Variants in PPP3CC observed in about 807,000 individuals in gnomAD.
The protein encoded by PPP3CC is serine/threonine-protein phosphatase 2B catalytic subunit gamma isoform.
PPP3CC carries 35 observed loss-of-function variants against 60.3 expected under a neutral mutation model. That is an observed-to-expected ratio of 0.58 (90% confidence interval 0.44 to 0.77). PPP3CC has a LOEUF of 0.77. Among genes scored for constraint, PPP3CC ranks in the 30% least tolerant of loss-of-function variants. The pLI, the probability that PPP3CC is intolerant of heterozygous loss-of-function variation, is 0.00. For synonymous variants in PPP3CC, 206 were observed against 224.3 expected (o/e 0.92, Z 0.73); for missense variants, 570 against 628.9 (o/e 0.91, Z 1.00).
intron 4 of PPP3CC, among the ~76,000 whole-genome samples, chr8:22,499,464 AAAAG>A (rs1461958369): frequency 3.3e-5 from 5 of 152,134 alleles, no homozygotes; most frequent in African/African-American, 7.2e-5. Context: ...AAAGAAAAAA[AAAAG>A]AAAGTCAAAA....
intron 4 of PPP3CC, among the ~76,000 whole-genome samples, chr8:22,503,624 T>G (rs1489613265): frequency 1.3e-5 from 2 of 152,176 alleles, no homozygotes; most frequent in East Asian, 3.8e-4. Context: ...AATAATAACA[T>G]CAGGGATTTT....
At chr8:22,443,103 C>G (rs755482450) in intron 1 of PPP3CC, among the ~76,000 whole-genome samples, 2 of 152,096 alleles carry the variant, frequency 1.3e-5, no homozygotes, top group African/African-American at 4.8e-5. Flanking sequence ...ATCAAATCAC[C>G]ATTGTGCCAT....
intron 4 of PPP3CC, among the ~76,000 whole-genome samples, chr8:22,502,414 A>G (rs937976915): frequency 5.3e-5 from 8 of 152,196 alleles, no homozygotes; most frequent in Admixed American, 3.9e-4. Context: ...GGCCGGGTGC[A>G]GTGGCTCATG....
chr8:22,501,799 G>A (rs1234879214), intron 4 of PPP3CC, among the ~76,000 whole-genome samples: 1 of 152,056 alleles, frequency 6.6e-6, no homozygotes, highest in African/African-American at 2.4e-5. Flanking sequence ...ATCACTTGAG[G>A]CCAGGAGTTC....
At chr8:22,441,564 G>C in intron 1 of PPP3CC, 106 bp downstream of exon 1, 1 of 1,255,278 alleles carries the variant, frequency 8.0e-7, no homozygotes, top group East Asian at 3.0e-5. Flanking sequence ...CCCACCCTAG[G>C]AGGGCTCGGA....
intron 6 of PPP3CC, among the ~76,000 whole-genome samples, chr8:22,516,753 G>A (rs1839256195): frequency 6.6e-6 from 1 of 152,148 alleles, no homozygotes; most frequent in South Asian, 2.1e-4. Context: ...TGCTTTTCAT[G>A]AGTGATTTCA....
chr8:22,498,422 C>T (rs531046274), intron 4 of PPP3CC, among the ~76,000 whole-genome samples: 1 of 152,028 alleles, frequency 6.6e-6, no homozygotes, highest in East Asian at 1.9e-4. Context: ...CCAGCCTGGG[C>T]GACAAAGCAA....
chr8:22,520,902 C>T (rs1839388516), intron 6 of PPP3CC, among the ~76,000 whole-genome samples: 1 of 152,150 alleles, frequency 6.6e-6, no homozygotes, highest in Non-Finnish European at 1.5e-5. Context: ...GGAGTCTATG[C>T]ATTTGAAGGA....
At chr8:22,450,957 C>G (rs1359205703) in intron 1 of PPP3CC, among the ~76,000 whole-genome samples, 2 of 150,692 alleles carry the variant, frequency 1.3e-5, no homozygotes, top group South Asian at 2.1e-4. Flanking sequence ...GCCTCAGCCT[C>G]CTGAGTAGCT....
chr8:22,480,180 T>C lies in PPP3CC; in HGVS notation c.372+4556T>C, dbSNP rs1343972679. On this transcript the variant is annotated intron_variant, in intron 3 of 13. Coordinates refer to ENST00000240139, the MANE Select transcript of PPP3CC (RefSeq NM_005605.5). ...CATGGTTAAAAATCTGATGAAAGTTTACGATTGATAAGGAATTTTGTTATT... is the reference window on the plus strand; with the variant it reads ...CATGGTTAAAAATCTGATGAAAGTTCACGATTGATAAGGAATTTTGTTATT... Among the ~76,000 whole-genome samples the C allele has an allele frequency of 2.0e-5, 3 of 152,190 alleles. No homozygotes were observed. The East Asian group carries it at 5.8e-4, about 29-fold the overall frequency.
intron 3 of PPP3CC, among the ~76,000 whole-genome samples, chr8:22,495,631 T>G (rs780685642): frequency 1.1e-4 from 16 of 152,094 alleles, no homozygotes; most frequent in Non-Finnish European, 1.6e-4. Context: ...CTATCTCGGC[T>G]TACTTCAACC....
At chr8:22,538,730 C>T (rs1029791545) in intron 12 of PPP3CC, among the ~76,000 whole-genome samples, 3 of 152,132 alleles carry the variant, frequency 2.0e-5, no homozygotes, top group Non-Finnish European at 4.4e-5. Flanking sequence ...CTTCCTTTTC[C>T]ATTGCTAAGA....
rs182734560 is a variant in PPP3CC at position 22,513,444 on chromosome 8, C to T, written c.770+12C>T. 2 of 1,565,316 alleles carry T rather than the reference C, an allele frequency of 1.3e-6. No homozygotes were observed. Among genetic ancestry groups the T allele is most frequent in the Non-Finnish European group, 1.7e-6 (2 of 1,161,906 alleles). ...TCTTATTTCTACAGGTAAGCTAGTC[C>T]TTGAGGTCGAAAATTATGAAAGGAA... On this transcript the variant is annotated intron_variant, in intron 6 of 13. Coordinates refer to ENST00000240139, the MANE Select transcript of PPP3CC (RefSeq NM_005605.5).
chr8:22,477,110 T>C (rs968086857), intron 3 of PPP3CC, among the ~76,000 whole-genome samples: 1 of 152,164 alleles, frequency 6.6e-6, no homozygotes, highest in Non-Finnish European at 1.5e-5. Context: ...AGATTATCCT[T>C]GCAGACTGTA....
At position 22,493,778 on chromosome 8, in the gene PPP3CC, C is replaced by T. The variant is rs574933999; in HGVS notation, c.373-4223C>T. On this transcript the variant is annotated intron_variant, in intron 3 of 13. Transcript: ENST00000240139. The stretch of plus-strand genomic sequence containing the variant: ...CTGCCTGGGGATGTTTTACAATGAG[C>T]CTTTTTCTTTTGTAAATAGAAGGAA... 1.1e-4 allele frequency among the ~76,000 whole-genome samples: 17 copies of T among 152,174 alleles called. No homozygotes were observed. The South Asian group carries it at 3.1e-3, about 28-fold the overall frequency.
intron 1 of PPP3CC, among the ~76,000 whole-genome samples, chr8:22,451,294 C>G (rs937742534): frequency 2.6e-5 from 4 of 151,966 alleles, no homozygotes; most frequent in Admixed American, 2.0e-4. Context: ...TGCCACCACG[C>G]CCAGCTAGTT....
Position 22,513,305 on chromosome 8 carries a change from A to G in PPP3CC, c.643A>G (p.Thr215Ala). ...GTGTGTCTTCTAGTTAGACAGGTTT[A>G]CGGAACCTCCCGCCTTTGGACCTGT... ...LDDIRKLDRF[T>A]EPPAFGPVCD... The change falls in exon 6 of 14, where the codon ACG (threonine) becomes GCG (alanine). Residue 215 changes from threonine to alanine, a missense_variant. By Grantham distance (58) the Thr-to-Ala change is moderately conservative. Coordinates refer to ENST00000240139, the MANE Select transcript of PPP3CC (RefSeq NM_005605.5). 1 of 1,610,946 alleles carries G rather than the reference A, an allele frequency of 6.2e-7. No individual in the cohort carries two copies. The highest frequency in any genetic ancestry group is 1.7e-4 in the Middle Eastern group (1 of 6,050).
intron 1 of PPP3CC, among the ~76,000 whole-genome samples, chr8:22,443,445 C>A (rs903553287): frequency 6.7e-6 from 1 of 150,366 alleles, no homozygotes; most frequent in Non-Finnish European, 1.5e-5. Context: ...TGCTTGAACC[C>A]GGGAGGCGGA....
chr8:22,497,891 G>A, intron 3 of PPP3CC, 110 bp from the exon 4 acceptor site: 1 of 658,308 alleles, frequency 1.5e-6, no homozygotes, highest in South Asian at 2.3e-5. Context: ...TTTTCAATTT[G>A]GGAGTAACAA....
Sources: gnomAD v4.1 joint callset for allele counts (sites outside exome capture counted in the v4.1 genomes callset) on GRCh38, gnomAD v4.1.1 for gene constraint, MANE v1.5 for transcripts, NCBI Gene and HGNC (gene_info 2026-07-23, HGNC 2026-07-21) for gene names.